Variants in MTSS1 observed in about 807,000 individuals in gnomAD.
MTSS1 encodes the protein MTSS I-BAR domain containing 1, also known as protein MTSS 1.
Under a neutral mutation model 79.0 loss-of-function variants are expected in MTSS1, and 18 were observed. That is an observed-to-expected ratio of 0.23 (90% CI 0.16 to 0.34). MTSS1 has a LOEUF of 0.34. Among genes scored for constraint, MTSS1 ranks in the 10% least tolerant of loss-of-function variants. The pLI is 1.00. For missense variants in MTSS1, 815 were observed against 986.2 expected (o/e 0.83, Z 2.33); for synonymous variants, 341 against 368.6 (o/e 0.93, Z 0.86).
At chr8:124,634,203 G>C (rs1181463649) in intron 3 of MTSS1, among the ~76,000 whole-genome samples, 2 of 151,422 alleles carry the variant, frequency 1.3e-5, no homozygotes, top group East Asian at 3.9e-4. Flanking sequence ...ACAACCTCCT[G>C]GGCGCAAGCA....
At chr8:124,586,077 G>A (rs1830813074) in intron 5 of MTSS1, among the ~76,000 whole-genome samples, 1 of 152,146 alleles carries the variant, frequency 6.6e-6, no homozygotes, top group South Asian at 2.1e-4. Context: ...TTCGCAGACT[G>A]CCCCATTTCT....
intron 3 of MTSS1, among the ~76,000 whole-genome samples, chr8:124,626,971 T>C (rs1360951432): frequency 6.6e-6 from 1 of 152,134 alleles, no homozygotes; most frequent in Non-Finnish European, 1.5e-5. Flanking sequence ...CTGCCCAGCC[T>C]GCACACAGGG....
At chr8:124,664,033 T>C (rs956808379) in intron 3 of MTSS1, among the ~76,000 whole-genome samples, 2 of 152,178 alleles carry the variant, frequency 1.3e-5, no homozygotes, top group Non-Finnish European at 2.9e-5. Context: ...AGAAGTAACC[T>C]GTGCCCAGGT....
In MTSS1 at chr8:124,582,410, G is replaced by A. The variant is rs939518408; in HGVS notation, c.460+2677C>T. Among the ~76,000 whole-genome samples, 3 of 151,956 alleles carry A rather than the reference G, an allele frequency of 2.0e-5. No homozygotes were observed. The highest frequency in any genetic ancestry group is 1.3e-4 in the Admixed American group (2 of 15,238). On this transcript the variant is annotated intron_variant, in intron 6 of 13. Transcript: ENST00000518547. The surrounding 1 kb of genome is among the most constrained non-coding windows in gnomAD (Gnocchi z 4.8). ...TGAGCCGCTCACAAAAATCACATCC[G>A]TGTGTGTCTGCCCACGTCAAGGATG...
At chr8:124,602,207 A>AT in intron 3 of MTSS1, among the ~76,000 whole-genome samples, 6 of 142,226 alleles carry the variant, frequency 4.2e-5, no homozygotes, top group African/African-American at 1.4e-4. Context: ...ATATATATAT[A>AT]ATTTTTTTTT....
chr8:124,622,486 A>C (rs1033621938), intron 3 of MTSS1, among the ~76,000 whole-genome samples: 23 of 72,734 alleles, frequency 3.2e-4, no homozygotes, highest in African/African-American at 2.9e-3. Context: ...TGCCATATTG[A>C]AAAAAAAAAA....
At chr8:124,679,716 C>T (rs1254408325) in intron 3 of MTSS1, among the ~76,000 whole-genome samples, 1 of 152,222 alleles carries the variant, frequency 6.6e-6, no homozygotes. Flanking sequence ...CCTTCCCTAT[C>T]CATGCCCAAA....
At chr8:124,707,442 G>A (rs1190926727) in intron 1 of MTSS1, among the ~76,000 whole-genome samples, 1 of 151,750 alleles carries the variant, frequency 6.6e-6, no homozygotes, top group African/African-American at 2.4e-5. Flanking sequence ...ACCAGGCCAG[G>A]CACGGTAGCT....
intron 1 of MTSS1, among the ~76,000 whole-genome samples, chr8:124,723,695 C>T (rs902858110): frequency 6.6e-6 from 1 of 152,196 alleles, no homozygotes; most frequent in Non-Finnish European, 1.5e-5. Flanking sequence ...CCTTCTTCTC[C>T]CATGGGCCCA....
intron 1 of MTSS1, among the ~76,000 whole-genome samples, chr8:124,722,935 C>G (rs972869809): frequency 6.6e-6 from 1 of 152,274 alleles, no homozygotes; most frequent in Non-Finnish European, 1.5e-5. Flanking sequence ...CTATCGCCAC[C>G]CATGCCCGTG....
intron 11 of MTSS1, chr8:124,556,713 C>A (rs1823894292): frequency 5.0e-6 from 2 of 399,004 alleles, no homozygotes; most frequent in African/African-American, 2.0e-5. Flanking sequence ...CTAAGGGGAC[C>A]CACCAGTGGG....
intron 3 of MTSS1, among the ~76,000 whole-genome samples, chr8:124,674,371 G>A (rs1417929566): frequency 2.0e-5 from 3 of 152,038 alleles, no homozygotes; most frequent in South Asian, 2.1e-4. Context: ...CTGCATCAGC[G>A]TCACTATATA....
At chr8:124,687,552 CA>C (rs1226657148) in intron 3 of MTSS1, among the ~76,000 whole-genome samples, 2 of 152,138 alleles carry the variant, frequency 1.3e-5, no homozygotes, top group Non-Finnish European at 2.9e-5. Context: ...CTGAGAGAGA[CA>C]GGGGTCAGGA....
intron 3 of MTSS1, among the ~76,000 whole-genome samples, chr8:124,624,280 C>T (rs1296178004): frequency 2.0e-5 from 3 of 152,130 alleles, no homozygotes; most frequent in Admixed American, 2.0e-4. Context: ...GAGCTCTAAG[C>T]CAAATGGCTC....
chr8:124,604,002 G>A lies in MTSS1; in HGVS notation c.209-12767C>T, dbSNP rs943041588. 3.3e-5 allele frequency among the ~76,000 whole-genome samples: 5 copies of A among 152,178 alleles called. No homozygotes were observed. The East Asian group carries it at 9.7e-4, about 29-fold the overall frequency. On this transcript the variant is annotated intron_variant, in intron 3 of 13. Transcript: ENST00000518547. ...TGGGCATGGTGGCTCACCTAAGGTTGAGAGTTCAAGACCAGCCTGGCCAGC... is the reference window on the plus strand; with the variant it reads ...TGGGCATGGTGGCTCACCTAAGGTTAAGAGTTCAAGACCAGCCTGGCCAGC...
chr8:124,688,677 A>C (rs1425615733), intron 3 of MTSS1, among the ~76,000 whole-genome samples: 1 of 152,204 alleles, frequency 6.6e-6, no homozygotes, highest in Non-Finnish European at 1.5e-5. Context: ...GTCTGTAAAC[A>C]ATCACCGGCT....
intron 3 of MTSS1, among the ~76,000 whole-genome samples, chr8:124,697,548 G>A (rs1042738512): frequency 3.3e-5 from 5 of 151,294 alleles, no homozygotes; most frequent in Admixed American, 1.3e-4. Flanking sequence ...GAGACAGAGC[G>A]AGATTCTGTC....
intron 3 of MTSS1, among the ~76,000 whole-genome samples, chr8:124,654,595 C>T (rs1272629252): frequency 6.6e-6 from 1 of 152,056 alleles, no homozygotes; most frequent in Non-Finnish European, 1.5e-5. Context: ...GATGTATATC[C>T]TTATGCCAAG....
At chr8:124,578,443 C>G (rs939996386) in intron 6 of MTSS1, among the ~76,000 whole-genome samples, 17 of 152,166 alleles carry the variant, frequency 1.1e-4, no homozygotes, top group South Asian at 2.1e-4. Flanking sequence ...ACTACCCTAC[C>G]CCCAGGCTTA....
Sources: allele counts gnomAD v4.1 joint callset (sites outside exome capture counted in the v4.1 genomes callset), GRCh38; gene constraint gnomAD v4.1.1; non-coding constraint Gnocchi (gnomAD v3.1); transcripts MANE v1.5; gene names NCBI Gene and HGNC (gene_info 2026-07-23, HGNC 2026-07-21).